The following LIPE variants were observed in gnomAD, a reference collection of about 807,000 sequenced individuals.
The protein encoded by LIPE is lipase E, hormone sensitive type.
In LIPE, 66 loss-of-function variants were observed where a neutral mutation model predicts 88.5. The ratio of observed to expected loss-of-function variants is 0.75; its 90% CI spans 0.61 to 0.91. The LOEUF (loss-of-function observed/expected upper bound fraction) is 0.91. Ranked by LOEUF, LIPE falls within the 40% of genes least tolerant of loss-of-function variation. The pLI, the probability that LIPE is intolerant of heterozygous loss-of-function variation, is 0.00. For synonymous variants in LIPE, 570 were observed against 617.5 expected (o/e 0.92, Z 1.14); for missense variants, 1,346 against 1,434.7 (o/e 0.94, Z 1.00).
At chr19:42,402,364 C>T (rs2040008689) in intron 9 of LIPE, among the ~76,000 whole-genome samples, 1 of 152,092 alleles carries the variant, frequency 6.6e-6, no homozygotes, top group African/African-American at 2.4e-5. Context: ...TTCTCCAAGC[C>T]CAAGGGGCTG....
rs1306081766 is a variant in LIPE, at chr19:42,426,491, A to G, written c.659T>C (p.Leu220Pro). ...LQELSIQRSA[L>P]EWKALSEWVT... ...CCACTCAGAAAGTGCCTTCCACTCT[A>G]GGGCTGATCGCTGTATGGATAGTTC... Residue 220 changes from leucine to proline, a missense_variant, in exon 1 of 10, where the codon CTA becomes CCA. Leu to Pro is a moderately conservative substitution (Grantham distance 98). Coordinates refer to ENST00000244289, the MANE Select transcript of LIPE (RefSeq NM_005357.4). 3 of 1,614,070 alleles carry G rather than the reference A, an allele frequency of 1.9e-6. No homozygotes were observed. In the African/African-American group the frequency reaches 4.0e-5, roughly 22 times the overall value.
rs989425257 is a variant in LIPE at position 42,414,686 on chromosome 19, G to A, written c.884-3844C>T. On this transcript the variant is annotated intron_variant, in intron 1 of 9. Transcript: ENST00000244289. This position sits in a 1 kb window ranked among gnomAD's most constrained non-coding sequence, Gnocchi z 4.6. ...TGTTGGCACCATTTTTCTGACAGCA[G>A]TTGCTCACTTTGTGTCTCTGTGTCA... is the stretch of plus-strand genomic sequence containing the variant. Among the ~76,000 whole-genome samples the A allele has an allele frequency of 5.9e-5, 9 of 152,348 alleles. No homozygotes were observed. The highest frequency in any genetic ancestry group is 2.2e-4 in the African/African-American group (9 of 41,582).
chr19:42,410,456 C>T lies in LIPE; in HGVS notation c.1270G>A (p.Ala424Thr), dbSNP rs1354218185. The T allele has an allele frequency of 3.7e-6, 6 of 1,614,028 alleles. No homozygotes were observed. Among genetic ancestry groups the T allele is most frequent in the South Asian group, 2.2e-5 (2 of 91,096 alleles). Reference sequence around the variant, plus strand: ...AGGCGCTGGGCGTAGTAGACCAGAGCGCGGAGCTGGGTGAGGGCAGCCAGG... The same window carrying T: ...AGGCGCTGGGCGTAGTAGACCAGAGTGCGGAGCTGGGTGAGGGCAGCCAGG... ...AYLAALTQLR[A>T]LVYYAQRLLV... Residue 424 changes from alanine to threonine, a missense_variant, in exon 2 of 10, where the codon GCT (alanine) becomes ACT (threonine). Physicochemically the swap from Ala to Thr is moderately conservative, Grantham distance 58 (BLOSUM62 0). Coordinates refer to ENST00000244289, the MANE Select transcript of LIPE (RefSeq NM_005357.4). This position sits in a 1 kb window ranked among gnomAD's most constrained non-coding sequence, Gnocchi z 6.1.
In LIPE at chr19:42,407,405, G is replaced by C. The variant is rs559927268; in HGVS notation, c.1906C>G (p.Arg636Gly). 6.2e-7 allele frequency: 1 copy of C among 1,613,658 alleles called. No individual in the cohort carries two copies. The highest frequency in any genetic ancestry group is 8.5e-7 in the Non-Finnish European group (1 of 1,179,832). The change falls in exon 6 of 10, where the codon CGC becomes GGC. Residue 636 changes from arginine to glycine, a missense_variant. Transcript: ENST00000244289. The surrounding 1 kb of genome is among the most constrained non-coding windows in gnomAD (Gnocchi z 5.8). ...CGCGAGCGGGGTGCCTGCTGGGGGCGCGGCCACAGCTCCAGGCTCCGTTGG... is the reference window on the plus strand; with the variant it reads ...CGCGAGCGGGGTGCCTGCTGGGGGCCCGGCCACAGCTCCAGGCTCCGTTGG... ...NGQRSLELWP[R>G]PQQAPRSRSL...
At chr19:42,423,994 A>G (rs1275709277) in intron 1 of LIPE, 22 of 1,174,870 alleles carry the variant, frequency 1.9e-5, no homozygotes, top group African/African-American at 3.2e-5. Flanking sequence ...GGCGCCTCTG[A>G]GCCTCTGCCT....
rs142402894 is a variant in LIPE at position 42,410,435 on chromosome 19, G to A, written c.1291C>T (p.Arg431Cys). ...QLRALVYYAQ[R>C]LLVTNRPGVL... ...CCCGGCCGATTGGTAACCAGCAGGC[G>A]CTGGGCGTAGTAGACCAGAGCGCGG... The change falls in exon 2 of 10, where the codon CGC (arginine) becomes TGC (cysteine). Residue 431 changes from arginine (R) to cysteine (C), a missense_variant. By Grantham distance (180) the Arg-to-Cys change is radical. Transcript: ENST00000244289. The surrounding 1 kb of genome is among the most constrained non-coding windows in gnomAD (Gnocchi z 6.1). The A allele has an allele frequency of 1.1e-5, 18 of 1,614,194 alleles. No homozygotes were observed. In the African/African-American group the frequency reaches 1.2e-4, roughly 11 times the overall value.
chr19:42,401,960 G>A lies in LIPE; in HGVS notation c.3083C>T (p.Thr1028Ile). The change falls in exon 10 of 10, where the codon ACC becomes ATC. Residue 1028 changes from threonine (T) to isoleucine (I), a missense_variant. Transcript: ENST00000244289. ...CGTCTCGCGGCACAGCGCCGCTAGG[G>A]TCAGGAAGCCGTGCGGCAGGTCCTC... ...VVEDLPHGFL[T>I]LAALCRETRQ... 1 of 1,558,392 alleles carries A rather than the reference G, an allele frequency of 6.4e-7. No individual in the cohort carries two copies. Among genetic ancestry groups the A allele is most frequent in the Non-Finnish European group, 8.7e-7 (1 of 1,155,374 alleles).
Position 42,407,096 on chromosome 19 carries a change from G to T in LIPE, c.2137+78C>A. On this transcript the variant is annotated intron_variant, in intron 6 of 9. Coordinates refer to ENST00000244289, the MANE Select transcript of LIPE (RefSeq NM_005357.4). This position sits in a 1 kb window ranked among gnomAD's most constrained non-coding sequence, Gnocchi z 5.8. ...GGGGAGAGAAAGGTAGAGGGTGTGA[G>T]GCTGAGGCTGGAGGAGCTTAAAGCA... 7.8e-7 allele frequency: 1 copy of T among 1,278,544 alleles called. No individual in the cohort carries two copies. The highest frequency in any genetic ancestry group is 1.1e-6 in the Non-Finnish European group (1 of 952,316). The allele number at this position is 1,278,544 out of a possible 1,614,324, so 79.2% of individuals were successfully genotyped here. A position where few individuals can be genotyped will look rare whatever the true frequency, so the allele number is the denominator to read the frequency against.
chr19:42,415,190 C>A (rs1021460453), intron 1 of LIPE, among the ~76,000 whole-genome samples: 1 of 152,118 alleles, frequency 6.6e-6, no homozygotes, highest in Admixed American at 6.5e-5. Context: ...CAAGATCACA[C>A]CATTGTACTC....
At position 42,426,385 on chromosome 19, in the gene LIPE, G is replaced by A. The variant is rs756967208; in HGVS notation, c.765C>T (p.Ala255=). ...CTTTGAAGCCTAGCTTCACTCCCTG[G>A]GCCACCATTCCACCCATCGTGGCTG... The part of the protein sequence containing the change: ...DSPATMGGMV[A]QGVKLGFKGK... Residue 255 remains alanine, a synonymous_variant, in exon 1 of 10, where the codon GCC becomes GCT. Transcript: ENST00000244289. The A allele has an allele frequency of 6.2e-7, 1 of 1,613,774 alleles. No individual in the cohort carries two copies. The highest frequency in any genetic ancestry group is 8.5e-7 in the Non-Finnish European group (1 of 1,179,962).
intron 1 of LIPE, among the ~76,000 whole-genome samples, chr19:42,419,147 G>A (rs1425122101): frequency 2.0e-4 from 31 of 152,178 alleles, no homozygotes; most frequent in Admixed American, 1.4e-3. Flanking sequence ...GCATGGTGGC[G>A]CGTGCCTGTA....
chr19:42,420,973 A>T (rs2040587320), intron 1 of LIPE, among the ~76,000 whole-genome samples: 3 of 151,924 alleles, frequency 2.0e-5, no homozygotes, highest in Admixed American at 2.0e-4. Context: ...ATCACAGCTC[A>T]CTGCAGCCTC....
chr19:42,408,551 T>G lies in LIPE; in HGVS notation c.1420-229A>C. 19 of 503,838 alleles carry G rather than the reference T, an allele frequency of 3.8e-5. No individual in the cohort carries two copies. The highest frequency in any genetic ancestry group is 1.2e-4 in the South Asian group (5 of 40,350). The allele number at this position is 503,838 out of a possible 1,614,324, so 31.2% of individuals were successfully genotyped here. On this transcript the variant is annotated intron_variant, in intron 2 of 9. Coordinates refer to ENST00000244289, the MANE Select transcript of LIPE (RefSeq NM_005357.4). This position sits in a 1 kb window ranked among gnomAD's most constrained non-coding sequence, Gnocchi z 4.3. Reference sequence around the variant, plus strand: ...CCACGCGCAGTATCATGACAAGGAATGACGAATGGTTTGGAAAAAAAAAAA... The same window carrying G: ...CCACGCGCAGTATCATGACAAGGAAGGACGAATGGTTTGGAAAAAAAAAAA...
At chr19:42,424,165 C>T (rs1382697178) in intron 1 of LIPE, 2 of 1,142,640 alleles carry the variant, frequency 1.8e-6, no homozygotes, top group Admixed American at 3.1e-5. Context: ...ATCTTTCTCC[C>T]TCTGTCTCCG....
At position 42,401,880 on chromosome 19, in the gene LIPE, C is replaced by A. The variant is rs1199059808; in HGVS notation, c.3163G>T (p.Ala1055Ser). Residue 1055 changes from alanine (A) to serine (S), a missense_variant, in exon 10 of 10, where the codon GCC (alanine) becomes TCC (serine). Ala to Ser is a moderately conservative substitution (Grantham distance 99, BLOSUM62 1). Coordinates refer to ENST00000244289, the MANE Select transcript of LIPE (RefSeq NM_005357.4). ...GTCTCCCCGCTCGGCCCGGCTCCGG[C>A]GGGAGGAGTGAGGACGAGGCGGATG... ...ERIRLVLTPP[A>S]GAGPSGETGA... 8 of 1,535,926 alleles carry A rather than the reference C, an allele frequency of 5.2e-6. No individual in the cohort carries two copies. The highest frequency in any genetic ancestry group is 7.0e-6 in the Non-Finnish European group (8 of 1,146,944).
In LIPE at chr19:42,407,895, G is replaced by A; in HGVS notation, c.1656+81C>T. 7 of 1,568,604 alleles carry A rather than the reference G, an allele frequency of 4.5e-6. No homozygotes were observed. The highest frequency in any genetic ancestry group is 5.2e-6 in the Non-Finnish European group (6 of 1,158,074). On this transcript the variant is annotated intron_variant, in intron 4 of 9. Transcript: ENST00000244289. This position sits in a 1 kb window ranked among gnomAD's most constrained non-coding sequence, Gnocchi z 5.8. Reference sequence around the variant, plus strand: ...TCTTTCCCCTTGTGTGCCATCCCTGGGCCTGGAGCCCCACAGAGACCTACT... The same window carrying A: ...TCTTTCCCCTTGTGTGCCATCCCTGAGCCTGGAGCCCCACAGAGACCTACT...
At position 42,410,823 on chromosome 19, in the gene LIPE, G is replaced by A. The variant is rs1242303941; in HGVS notation, c.903C>T (p.Asn301=). ...ACTGTGTCATTGTGCGCAGGTCCAT[G>A]TTGTGGATGAGCCTTGAGGCTGTGG... The part of the protein sequence containing the change: ...YQDTASRLIH[N]MDLRTMTQSL... The change falls in exon 2 of 10, where the codon AAC becomes AAT. Residue 301 remains asparagine, a synonymous_variant. Transcript: ENST00000244289. This position sits in a 1 kb window ranked among gnomAD's most constrained non-coding sequence, Gnocchi z 6.1. 6.4e-7 allele frequency: 1 copy of A among 1,567,208 alleles called. No homozygotes were observed. Among genetic ancestry groups the A allele is most frequent in the Admixed American group, 1.8e-5 (1 of 55,880 alleles).
intron 1 of LIPE, among the ~76,000 whole-genome samples, chr19:42,419,549 G>A (rs937547693): frequency 3.3e-5 from 5 of 152,264 alleles, no homozygotes; most frequent in Non-Finnish European, 7.3e-5. Flanking sequence ...GTAAGGACTA[G>A]GGGAGAGGTA....
chr19:42,426,740 G>A lies in LIPE; in HGVS notation c.410C>T (p.Ala137Val), dbSNP rs1460406557. 6.2e-6 allele frequency: 10 copies of A among 1,614,228 alleles called. No homozygotes were observed. Among genetic ancestry groups the A allele is most frequent in the Admixed American group, 3.3e-5 (2 of 60,032 alleles). Residue 137 changes from alanine (A) to valine (V), a missense_variant, in exon 1 of 10, where the codon GCC (alanine) becomes GTC (valine). Ala to Val is a moderately conservative substitution (Grantham distance 64, BLOSUM62 0). Coordinates refer to ENST00000244289, the MANE Select transcript of LIPE (RefSeq NM_005357.4). ...CTCTCCTGGCCCAGGCCCTGGCTGG[G>A]CTACATGTCTTTGTCTCAATGCTGG... ...QEPALRQRHV[A>V]QPGPGPGEPP... is the part of the protein sequence containing the mutation.
Sources: gnomAD v4.1 joint callset for allele counts (sites outside exome capture counted in the v4.1 genomes callset) on GRCh38, gnomAD v4.1.1 for gene constraint, Gnocchi (gnomAD v3.1) non-coding constraint, MANE v1.5 for transcripts, NCBI Gene and HGNC (gene_info 2026-07-23, HGNC 2026-07-21) for gene names.